ZNF618: variants seen among roughly 807,000 people sequenced by gnomAD.
ZNF618 encodes zinc finger protein 618.
Under a neutral mutation model 103.0 loss-of-function variants are expected in ZNF618, and 34 were observed. That is an observed-to-expected ratio of 0.33 (90% CI 0.25 to 0.44). ZNF618 has a LOEUF of 0.44. Among genes scored for constraint, ZNF618 ranks in the 20% least tolerant of loss-of-function variants. ZNF618 has a pLI of 1.00. For synonymous variants in ZNF618, 551 were observed against 542.2 expected, an observed-to-expected ratio of 1.02 and a Z score of -0.23; for missense variants, 1,059 against 1,295.4, an observed-to-expected ratio of 0.82 and a Z score of 2.80.
At chr9:113,936,407 A>G (rs1380186477) in intron 1 of ZNF618, among the ~76,000 whole-genome samples, 2 of 152,272 alleles carry the variant, frequency 1.3e-5, no homozygotes, top group South Asian at 2.1e-4. Context: ...CGAGTAGTAC[A>G]TATTTGTTGA....
intron 11 of ZNF618, among the ~76,000 whole-genome samples, chr9:114,031,425 C>T (rs557552233): frequency 1.3e-5 from 2 of 152,254 alleles, no homozygotes; most frequent in East Asian, 1.9e-4. Flanking sequence ...TGACAGGGGT[C>T]GGGGGGAGGT....
intron 4 of ZNF618, among the ~76,000 whole-genome samples, chr9:114,000,440 C>G (rs962133865): frequency 6.6e-6 from 1 of 152,132 alleles, no homozygotes; most frequent in African/African-American, 2.4e-5. Context: ...GAATGCGGCC[C>G]AACACAAAGT....
At chr9:113,995,981 T>C (rs960656367) in intron 3 of ZNF618, among the ~76,000 whole-genome samples, 2 of 152,226 alleles carry the variant, frequency 1.3e-5, no homozygotes, top group South Asian at 2.1e-4. Context: ...CTCTGGCACA[T>C]TGATTTTAGG....
intron 1 of ZNF618, among the ~76,000 whole-genome samples, chr9:113,913,442 T>C (rs1053964278): frequency 9.2e-5 from 14 of 152,368 alleles, no homozygotes; most frequent in Admixed American, 7.8e-4. Flanking sequence ...AAGAAAACAC[T>C]AGCAATGTTC....
chr9:113,933,401 T>C (rs1294024329), intron 1 of ZNF618, among the ~76,000 whole-genome samples: 1 of 152,150 alleles, frequency 6.6e-6, no homozygotes, highest in African/African-American at 2.4e-5. Context: ...TGACCTCGGG[T>C]CCAAGCCAAG....
intron 1 of ZNF618, among the ~76,000 whole-genome samples, chr9:113,921,003 C>G (rs944068448): frequency 3.3e-5 from 5 of 152,216 alleles, no homozygotes; most frequent in Admixed American, 3.3e-4. Context: ...AGCATGCACG[C>G]TCCATCAGGT....
intron 13 of ZNF618, among the ~76,000 whole-genome samples, chr9:114,042,791 T>C (rs1448412740): frequency 6.6e-6 from 1 of 152,222 alleles, no homozygotes; most frequent in Non-Finnish European, 1.5e-5. Context: ...ATGGTGCCAC[T>C]GCACTCCAGC....
intron 9 of ZNF618, among the ~76,000 whole-genome samples, chr9:114,015,394 C>T (rs1161465693): frequency 6.6e-6 from 1 of 152,066 alleles, no homozygotes; most frequent in Non-Finnish European, 1.5e-5. Flanking sequence ...AATCAATTTC[C>T]TTAGAAATCA....
intron 1 of ZNF618, among the ~76,000 whole-genome samples, chr9:113,884,933 C>G (rs1455600841): frequency 2.0e-5 from 3 of 152,184 alleles, no homozygotes; most frequent in Non-Finnish European, 2.9e-5. Context: ...TTTTCCTGCC[C>G]TGTGTGTATA....
chr9:113,977,747 C>T (rs1838613925), intron 2 of ZNF618, among the ~76,000 whole-genome samples: 1 of 152,180 alleles, frequency 6.6e-6, no homozygotes, highest in African/African-American at 2.4e-5. Flanking sequence ...GGGCAACCTT[C>T]CACATGCCAC....
rs756986676 is a variant in ZNF618 at position 113,969,123 on chromosome 9, G to C, written c.40G>C (p.Gly14Arg). ...TTTTGGGTTTCTTTTGCAGGCTGAC[G>C]GAGCCAGTGCAGCCGGAAGGAAAAG... Reference protein sequence around the residue: ...PGGAAAPQADGASAAGRKSTA... With the variant: ...PGGAAAPQADRASAAGRKSTA... The change falls in exon 2 of 15, where the codon GGA (glycine) becomes CGA (arginine). Residue 14 changes from glycine to arginine, a missense_variant. By Grantham distance (125) the Gly-to-Arg change is moderately radical (BLOSUM62 -2). Transcript: ENST00000374126. 1 of 1,613,924 alleles carries C rather than the reference G, an allele frequency of 6.2e-7. No homozygotes were observed. Among genetic ancestry groups the C allele is most frequent in the Non-Finnish European group, 8.5e-7 (1 of 1,179,874 alleles).
At position 114,048,652 on chromosome 9, in the gene ZNF618, C is replaced by T. The variant is rs762055132; in HGVS notation, c.1350C>T (p.Thr450=). Residue 450 remains threonine, a splice_region_variant and synonymous_variant, in exon 15 of 15, where the codon ACC becomes ACT. Coordinates refer to ENST00000374126, the MANE Select transcript of ZNF618 (RefSeq NM_001318042.2). ...ATCTGTCTTTGTGTCCTCTGCCAGC[C>T]ACTACCAGTGGTTTAACACCCAACA... is the stretch of plus-strand genomic sequence containing the variant. ...PQAQRNSANN[T]TTSGLTPNSM... 6.2e-7 allele frequency: 1 copy of T among 1,607,100 alleles called. No homozygotes were observed. Among genetic ancestry groups the T allele is most frequent in the Non-Finnish European group, 8.5e-7 (1 of 1,175,066 alleles).
chr9:114,049,702 G>C lies in ZNF618; in HGVS notation c.2400G>C (p.Pro800=). Residue 800 remains proline, a synonymous_variant, in exon 15 of 15, where the codon CCG becomes CCC. Coordinates refer to ENST00000374126, the MANE Select transcript of ZNF618 (RefSeq NM_001318042.2). ...TCAAGGAGAACTTCAAGGTGCACCCGGCCCACAAGGTGGCCATGATCCTGG... is the reference window on the plus strand; with the variant it reads ...TCAAGGAGAACTTCAAGGTGCACCCCGCCCACAAGGTGGCCATGATCCTGG... ...EALKENFKVH[P]AHKVAMILDP... The C allele has an allele frequency of 1.2e-6, 2 of 1,613,822 alleles. No homozygotes were observed. Among genetic ancestry groups the C allele is most frequent in the Non-Finnish European group, 8.5e-7 (1 of 1,179,894 alleles).
chr9:114,050,450 A>ACT lies in ZNF618; in HGVS notation c.*284_*285insTC. On this transcript the variant is annotated 3_prime_UTR_variant, in exon 15 of 15. Transcript: ENST00000374126. Reference sequence around the variant, plus strand: ...AGAAACTTTGCACACACGCACACACACACACACACACACACACACACACAC... The same window carrying ACT: ...AGAAACTTTGCACACACGCACACACACTCACACACACACACACACACACACAC... The ACT allele has an allele frequency of 3.6e-6, 1 of 280,508 alleles. No individual in the cohort carries two copies. The highest frequency in any genetic ancestry group is 6.4e-6 in the Non-Finnish European group (1 of 155,714). 17.4% of individuals were successfully genotyped at this position (280,508 alleles called of 1,614,324 possible). A position where few individuals can be genotyped will look rare whatever the true frequency, so the allele number is the denominator to read the frequency against.
chr9:113,892,903 G>A (rs1264466306), intron 1 of ZNF618, among the ~76,000 whole-genome samples: 1 of 152,160 alleles, frequency 6.6e-6, no homozygotes, highest in Non-Finnish European at 1.5e-5. Flanking sequence ...AAACTTCTAT[G>A]TACTTAGGAC....
chr9:113,910,888 T>G lies in ZNF618; in HGVS notation c.33+34475T>G, dbSNP rs181597780. ...CTCTGTCGACTAGGCTGGAGTGCAG[T>G]GGCACAATCTCAGCTCATTGCAGCC... On this transcript the variant is annotated intron_variant, in intron 1 of 14. Transcript: ENST00000374126. 9.5e-4 allele frequency among the ~76,000 whole-genome samples: 145 copies of G among 152,188 alleles called. 1 individual carries two copies. The highest frequency in any genetic ancestry group is 1.6e-3 in the Non-Finnish European group (112 of 67,996).
At chr9:113,933,715 G>A (rs1833802099) in intron 1 of ZNF618, among the ~76,000 whole-genome samples, 1 of 152,220 alleles carries the variant, frequency 6.6e-6, no homozygotes, top group Admixed American at 6.5e-5. Context: ...CCAGTGTGGG[G>A]TAGGCAAGGA....
intron 1 of ZNF618, among the ~76,000 whole-genome samples, chr9:113,924,424 CTTTTT>C (rs869300538): frequency 1.5e-5 from 1 of 67,210 alleles, no homozygotes. Flanking sequence ...TCTTCTTCTT[CTTTTT>C]TTTTTTTTTT....
rs534004368 is a variant in ZNF618 at position 113,948,652 on chromosome 9, C to T, written c.34-20465C>T. 3.0e-4 allele frequency among the ~76,000 whole-genome samples: 46 copies of T among 152,222 alleles called. 1 individual carries two copies. Among genetic ancestry groups the T allele is most frequent in the African/African-American group, 8.7e-4 (36 of 41,454 alleles). On this transcript the variant is annotated intron_variant, in intron 1 of 14. Coordinates refer to ENST00000374126, the MANE Select transcript of ZNF618 (RefSeq NM_001318042.2). The stretch of plus-strand genomic sequence containing the variant: ...AGTTAAGTGCCTGTTTTGTGCCACT[C>T]GTCCATCCACATATTTTTGAGGGCC...
Sources: allele counts gnomAD v4.1 joint callset (sites outside exome capture counted in the v4.1 genomes callset), GRCh38; gene constraint gnomAD v4.1.1; transcripts MANE v1.5; gene names NCBI Gene and HGNC (gene_info 2026-07-23, HGNC 2026-07-21).